TESK2: variants seen among roughly 807,000 people sequenced by gnomAD.
TESK2 encodes testis associated actin remodelling kinase 2.
TESK2 carries 39 observed loss-of-function variants against 57.1 expected under a neutral mutation model. The ratio of observed to expected loss-of-function variants is 0.68; its 90% CI spans 0.53 to 0.89. The LOEUF is 0.89. TESK2 is among the 40% of genes least tolerant of loss of function. The pLI is 0.00. For synonymous variants in TESK2, 249 were observed against 267.9 expected (o/e 0.93, Z 0.69); for missense variants, 646 against 732.1 (o/e 0.88, Z 1.36).
chr1:45,472,056 C>T (rs1224127745), intron 1 of TESK2, among the ~76,000 whole-genome samples: 1 of 150,230 alleles, frequency 6.7e-6, no homozygotes, highest in Admixed American at 6.7e-5. Flanking sequence ...TCGAGACCAT[C>T]CTGGCTAACA....
chr1:45,367,359 C>T lies in TESK2; in HGVS notation c.394-11910G>A, dbSNP rs79257694. Among the ~76,000 whole-genome samples, 118 of 151,904 alleles carry T rather than the reference C, an allele frequency of 7.8e-4. No homozygotes were observed. In the East Asian group the frequency reaches 0.014, roughly 17 times the overall value. On this transcript the variant is annotated intron_variant, in intron 4 of 10. Coordinates refer to ENST00000372086, the MANE Select transcript of TESK2 (RefSeq NM_007170.3). ...TTTTCTACATCTCAGTAAACGGCAT[C>T]GCCACCCACCTAGAAACTGGGCATC...
chr1:45,355,215 G>T, intron 5 of TESK2, 88 bp downstream of exon 5: 1 of 1,422,886 alleles, frequency 7.0e-7, no homozygotes, highest in Non-Finnish European at 9.7e-7. Context: ...TATGTCCTCT[G>T]TGATTAAATG....
At position 45,437,240 on chromosome 1, in the gene TESK2, C is replaced by T. The variant is rs145772071; in HGVS notation, c.223-15394G>A. On this transcript the variant is annotated intron_variant, in intron 2 of 10. Transcript: ENST00000372086. ...TGTCCTCTTCAATTTCTTTCATTAGCGTTTTGCAGTTCTTCTTGTAGGGTC... is the reference window on the plus strand; with the variant it reads ...TGTCCTCTTCAATTTCTTTCATTAGTGTTTTGCAGTTCTTCTTGTAGGGTC... 5.6e-4 allele frequency among the ~76,000 whole-genome samples: 85 copies of T among 152,166 alleles called. No individual in the cohort carries two copies. The East Asian group carries it at 0.013, about 23-fold the overall frequency.
intron 2 of TESK2, among the ~76,000 whole-genome samples, chr1:45,435,494 G>GCT (rs1458162441): frequency 6.7e-6 from 1 of 149,538 alleles, no homozygotes; most frequent in Non-Finnish European, 1.5e-5. Flanking sequence ...GAACTCCTGG[G>GCT]CTCATGTGAT....
At chr1:45,393,595 G>A (rs1248398605) in intron 3 of TESK2, among the ~76,000 whole-genome samples, 2 of 152,096 alleles carry the variant, frequency 1.3e-5, no homozygotes, top group African/African-American at 4.8e-5. Flanking sequence ...ACAAAAATTA[G>A]CCAGGCGTGG....
intron 3 of TESK2, among the ~76,000 whole-genome samples, chr1:45,406,388 G>A (rs1460094789): frequency 3.3e-5 from 5 of 152,182 alleles, no homozygotes; most frequent in Non-Finnish European, 5.9e-5. Flanking sequence ...GCTCATGCCT[G>A]TAATCCCAGC....
intron 2 of TESK2, among the ~76,000 whole-genome samples, chr1:45,443,058 G>A (rs1651506383): frequency 6.6e-6 from 1 of 152,164 alleles, no homozygotes; most frequent in Admixed American, 6.6e-5. Context: ...TGGGATTACA[G>A]GAGTAAGCCA....
chr1:45,366,207 C>T (rs1301092198), intron 4 of TESK2, among the ~76,000 whole-genome samples: 2 of 152,086 alleles, frequency 1.3e-5, no homozygotes, highest in Non-Finnish European at 2.9e-5. Flanking sequence ...CTGCATCAGC[C>T]TCCTGAGTAA....
chr1:45,411,933 G>A (rs1650054180), intron 3 of TESK2, among the ~76,000 whole-genome samples: 1 of 152,174 alleles, frequency 6.6e-6, no homozygotes, highest in African/African-American at 2.4e-5. Flanking sequence ...TCAGATTATA[G>A]GTGTAAGCCA....
chr1:45,370,217 TGAG>T (rs1275965089), intron 4 of TESK2, among the ~76,000 whole-genome samples: 1 of 152,240 alleles, frequency 6.6e-6, no homozygotes, highest in Non-Finnish European at 1.5e-5. Flanking sequence ...GATATCAGGC[TGAG>T]TTTATCCTGA....
At chr1:45,361,038 G>A (rs966043404) in intron 4 of TESK2, among the ~76,000 whole-genome samples, 6 of 152,064 alleles carry the variant, frequency 3.9e-5, no homozygotes, top group East Asian at 1.9e-4. Context: ...GGCTTGTCTC[G>A]AACTCCTGAC....
chr1:45,375,330 A>G (rs893709551), intron 4 of TESK2, among the ~76,000 whole-genome samples: 1 of 151,720 alleles, frequency 6.6e-6, no homozygotes, highest in Non-Finnish European at 1.5e-5. Context: ...GAGTTATTCA[A>G]CCAGACCAGG....
Position 45,355,306 on chromosome 1 carries a change from A to C in TESK2, c.537T>G (p.Ser179=). Residue 179 remains serine, a synonymous_variant, in exon 5 of 11, where the codon TCT becomes TCG. Transcript: ENST00000372086. ...FKGIFHRDLT[S]KNCLIKRDEN... ...TGTGAGAGTAAAGCCTTCATACCTT[A>C]GATGTGAGGTCCCGATGAAAAATGC... is the stretch of plus-strand genomic sequence containing the variant. 6.2e-7 allele frequency: 1 copy of C among 1,614,012 alleles called. No homozygotes were observed. The highest frequency in any genetic ancestry group is 1.1e-5 in the South Asian group (1 of 91,030).
intron 4 of TESK2, among the ~76,000 whole-genome samples, chr1:45,362,053 G>A (rs1647711418): frequency 6.6e-6 from 1 of 152,186 alleles, no homozygotes; most frequent in African/African-American, 2.4e-5. Context: ...TAGTTCTTTA[G>A]TCCCTTCCAC....
chr1:45,448,847 T>C (rs1651751055), intron 2 of TESK2, among the ~76,000 whole-genome samples: 1 of 152,136 alleles, frequency 6.6e-6, no homozygotes, highest in South Asian at 2.1e-4. Flanking sequence ...ATATACCACT[T>C]AGAATGGCCA....
intron 4 of TESK2, among the ~76,000 whole-genome samples, chr1:45,373,367 AT>A (rs771903035): frequency 3.9e-5 from 6 of 152,246 alleles, no homozygotes; most frequent in Non-Finnish European, 5.9e-5. Context: ...TAGATTAGGG[AT>A]AAAGGAAAAG....
chr1:45,457,879 G>A lies in TESK2; in HGVS notation c.-86-8C>T. The A allele has an allele frequency of 1.9e-6, 2 of 1,051,342 alleles. No homozygotes were observed. The highest frequency in any genetic ancestry group is 2.8e-6 in the Non-Finnish European group (2 of 726,154). The allele number at this position is 1,051,342 out of a possible 1,614,324, so 65.1% of individuals were successfully genotyped here. A position where few individuals can be genotyped will look rare whatever the true frequency, so the allele number is the denominator to read the frequency against. On this transcript the variant is annotated splice_region_variant and splice_polypyrimidine_tract_variant and intron_variant, in intron 1 of 10. Coordinates refer to ENST00000372086, the MANE Select transcript of TESK2 (RefSeq NM_007170.3). ...TTCTCTTCTGGTTTGACACTAAAGAGATCAAAAAAATTTCCACTGAAATCT... is the reference window on the plus strand; with the variant it reads ...TTCTCTTCTGGTTTGACACTAAAGAAATCAAAAAAATTTCCACTGAAATCT...
intron 4 of TESK2, among the ~76,000 whole-genome samples, chr1:45,375,775 C>T (rs1284804160): frequency 1.3e-5 from 2 of 152,020 alleles, no homozygotes; most frequent in Admixed American, 6.6e-5. Context: ...AAAATTAAAA[C>T]GTGGGACAGG....
intron 2 of TESK2, among the ~76,000 whole-genome samples, chr1:45,428,816 ATTTTTTT>A (rs71052876): frequency 3.6e-5 from 3 of 82,592 alleles, no homozygotes; most frequent in Non-Finnish European, 6.3e-5. Context: ...TAAATTCCTG[ATTTTTTT>A]TTTTTTTTTT....
Sources: allele counts gnomAD v4.1 joint callset (sites outside exome capture counted in the v4.1 genomes callset), GRCh38; gene constraint gnomAD v4.1.1; transcripts MANE v1.5; gene names NCBI Gene and HGNC (gene_info 2026-07-23, HGNC 2026-07-21).